Variants in SMIM23 observed in about 807,000 individuals in gnomAD.
SMIM23 encodes small integral membrane protein 23.
A neutral mutation model predicts 12.8 loss-of-function variants in SMIM23; 10 were observed. That is an observed-to-expected ratio of 0.78 (90% CI 0.48 to 1.32). The LOEUF (loss-of-function observed/expected upper bound fraction) is 1.32. Among genes scored for constraint, SMIM23 ranks in the 40% most tolerant of loss-of-function variants. The probability of loss-of-function intolerance (pLI) is 0.00; values close to 1 mark genes in which losing one functional copy is unlikely to be tolerated. For synonymous variants in SMIM23, 78 were observed against 80.1 expected (o/e 0.97, Z 0.14); for missense variants, 184 against 198.2 (o/e 0.93, Z 0.43).
intron 1 of SMIM23, 147 bp from the exon 2 acceptor site, chr5:171,790,083 G>A (rs1390365738): frequency 1.4e-6 from 1 of 710,736 alleles, no homozygotes; most frequent in Non-Finnish European, 2.3e-6. Flanking sequence ...TAGTAAGTAA[G>A]TGTGACTTAG....
chr5:171,789,656 T>C (rs1164031044), intron 1 of SMIM23, among the ~76,000 whole-genome samples: 3 of 152,190 alleles, frequency 2.0e-5, no homozygotes, highest in Non-Finnish European at 2.9e-5. Flanking sequence ...TCGAAAACAT[T>C]GTCTTAAGCA....
the SMIM23 span, chr5:171,773,639 T>C: frequency 2.7e-6 from 1 of 372,446 alleles, no homozygotes; most frequent in Non-Finnish European, 5.2e-6. Flanking sequence ...AAATAGAGGG[T>C]AAGACTCAAG....
intron 1 of SMIM23, among the ~76,000 whole-genome samples, chr5:171,786,959 A>G (rs1226365285): frequency 1.4e-5 from 2 of 145,710 alleles, no homozygotes; most frequent in Non-Finnish European, 3.0e-5. Context: ...AGCTTTGTTT[A>G]CCACAGCATT....
intron 2 of SMIM23, 23 bp from the exon 3 acceptor site, chr5:171,790,459 G>A: frequency 6.5e-7 from 1 of 1,536,244 alleles, no homozygotes; most frequent in Non-Finnish European, 8.7e-7. Context: ...GCTCTTCAGA[G>A]GTGATGTTTG....
the SMIM23 span, chr5:171,774,281 C>T: frequency 2.6e-6 from 1 of 390,856 alleles, no homozygotes; most frequent in Non-Finnish European, 5.2e-6. Flanking sequence ...AGATCCCATG[C>T]TTGCTCCACC....
At chr5:171,778,446 T>TTC (rs1233872116), upstream of SMIM23, among the ~76,000 whole-genome samples, 342 of 78,112 alleles carry the variant, frequency 4.4e-3, no homozygotes, top group African/African-American at 0.019. Flanking sequence ...ATGGGAAAAT[T>TTC]TCACACACAC....
chr5:171,772,775 A>T, the SMIM23 span, among the ~76,000 whole-genome samples: 5 of 152,262 alleles, frequency 3.3e-5, no homozygotes, highest in African/African-American at 1.2e-4. Flanking sequence ...CCTCCACCCT[A>T]AAGGTCTCTC....
chr5:171,781,093 C>T (rs188982428), upstream of SMIM23, among the ~76,000 whole-genome samples: 1 of 152,326 alleles, frequency 6.6e-6, no homozygotes, highest in Admixed American at 6.5e-5. Context: ...CTCAAAATAT[C>T]TTAGTTGCAC....
chr5:171,785,332 T>G (rs1755794001), upstream of SMIM23, among the ~76,000 whole-genome samples: 1 of 152,212 alleles, frequency 6.6e-6, no homozygotes, highest in Non-Finnish European at 1.5e-5. Flanking sequence ...CTCTCTGTAT[T>G]GTTTCTTACA....
chr5:171,788,104 G>A (rs1755851162), intron 1 of SMIM23, among the ~76,000 whole-genome samples: 1 of 150,032 alleles, frequency 6.7e-6, no homozygotes, highest in African/African-American at 2.5e-5. Context: ...AGGCAAACTA[G>A]ATCTGACTCA....
At chr5:171,780,767 A>G (rs1170336763), upstream of SMIM23, among the ~76,000 whole-genome samples, 1 of 152,124 alleles carries the variant, frequency 6.6e-6, no homozygotes, top group Non-Finnish European at 1.5e-5. Context: ...GGGAGGCAAG[A>G]GACTTGAGTT....
rs1755918022 is a variant in SMIM23 at position 171,791,106 on chromosome 5, A to G, written c.*18A>G. The G allele has an allele frequency of 4.1e-6, 6 of 1,457,646 alleles. No homozygotes were observed. In the South Asian group the frequency reaches 8.5e-5, roughly 21 times the overall value. 90.3% of individuals were successfully genotyped at this position (1,457,646 alleles called of 1,614,324 possible). On this transcript the variant is annotated 3_prime_UTR_variant, in exon 4 of 4. Coordinates refer to ENST00000523047, the MANE Select transcript of SMIM23 (RefSeq NM_001289970.2). ...AGCTCTGACTCTTGAAGTTCCAGTC[A>G]GGCAAGAAAATAAAGTAGTTGGGAA...
At chr5:171,781,128 A>G (rs254918), upstream of SMIM23, among the ~76,000 whole-genome samples, 56,136 of 152,074 alleles carry the variant, frequency 0.37, 11,100 homozygotes, top group African/African-American at 0.52. Context: ...GGAGTTAAGA[A>G]GAAACTAATT....
upstream of SMIM23, chr5:171,782,592 C>T (rs1267421486): frequency 6.6e-6 from 1 of 152,234 alleles, no homozygotes; most frequent in Admixed American, 6.5e-5. Context: ...CCTAGCCACC[C>T]CGGACCTCGG....
the SMIM23 span, among the ~76,000 whole-genome samples, chr5:171,776,160 C>T: frequency 9.3e-4 from 142 of 151,986 alleles, 2 homozygotes; most frequent in African/African-American, 3.2e-3. Flanking sequence ...CGTGAGCCAC[C>T]GTGCCTGGCC....
chr5:171,783,390 A>G (rs1755759927), upstream of SMIM23, among the ~76,000 whole-genome samples: 1 of 152,236 alleles, frequency 6.6e-6, no homozygotes, highest in African/African-American at 2.4e-5. Flanking sequence ...TCTACTTGCT[A>G]TTAAGGCTCA....
intron 1 of SMIM23, among the ~76,000 whole-genome samples, chr5:171,789,201 A>T (rs995913949): frequency 6.6e-6 from 1 of 152,266 alleles, no homozygotes; most frequent in Admixed American, 6.5e-5. Context: ...ATAGTAGCTT[A>T]TCAAATCACA....
At chr5:171,790,445 A>T in intron 2 of SMIM23, 37 bp from the exon 3 acceptor site, 1 of 1,534,228 alleles carries the variant, frequency 6.5e-7, no homozygotes, top group Non-Finnish European at 8.7e-7. Context: ...ATTAGTGCTC[A>T]TTTGCTCTTC....
upstream of SMIM23, among the ~76,000 whole-genome samples, chr5:171,785,400 T>TG (rs199563953): frequency 6.7e-3 from 989 of 146,554 alleles, 3 homozygotes; most frequent in Middle Eastern, 0.014. Context: ...TAGCTTTTAT[T>TG]GTTTTTTTTT....
Sources: gnomAD v4.1 joint callset for allele counts (sites outside exome capture counted in the v4.1 genomes callset) on GRCh38, gnomAD v4.1.1 for gene constraint, MANE v1.5 for transcripts, NCBI Gene and HGNC (gene_info 2026-07-23, HGNC 2026-07-21) for gene names.